Variants in TNNT2 observed in about 807,000 individuals in gnomAD.
TNNT2 encodes troponin T2, cardiac type.
Under a neutral mutation model 62.4 loss-of-function variants are expected in TNNT2, and 34 were observed. That is an observed-to-expected ratio of 0.54 (90% CI 0.41 to 0.72). TNNT2 has a LOEUF of 0.72. Ranked by LOEUF, TNNT2 falls within the 30% of genes least tolerant of loss-of-function variation. The pLI is 0.00. For synonymous variants in TNNT2, 123 were observed against 127.2 expected (o/e 0.97, Z 0.22); for missense variants, 275 against 381.9 (o/e 0.72, Z 2.33).
intron 1 of TNNT2, among the ~76,000 whole-genome samples, chr1:201,376,559 C>T (rs1661425772): frequency 6.6e-6 from 1 of 152,144 alleles, no homozygotes; most frequent in Non-Finnish European, 1.5e-5. Context: ...AGGCAGCCAG[C>T]AACCTGATCC....
intron 11 of TNNT2, 118 bp downstream of exon 11, chr1:201,364,180 G>T: frequency 1.7e-6 from 2 of 1,154,758 alleles, no homozygotes; most frequent in South Asian, 1.3e-5. Flanking sequence ...CACCGCACCC[G>T]GCCAATATTG....
chr1:201,365,857 A>G, intron 8 of TNNT2, 187 bp from the exon 9 acceptor site: 5 of 1,478,184 alleles, frequency 3.4e-6, no homozygotes, highest in Non-Finnish European at 4.5e-6. Flanking sequence ...CTGGGAATAC[A>G]CAAAGCTCTT....
Position 201,367,682 on chromosome 1 carries a change from C to T in TNNT2, c.199+89G>A, listed in dbSNP as rs1471623367. On this transcript the variant is annotated intron_variant, in intron 7 of 16. Coordinates refer to ENST00000656932, the MANE Select transcript of TNNT2 (RefSeq NM_001276345.2). ...AAACCCTCTCAGTGCACATCCACTTCCCTGGAAAGAGCACTGTGGGCATTC... is the reference window on the plus strand; with the variant it reads ...AAACCCTCTCAGTGCACATCCACTTTCCTGGAAAGAGCACTGTGGGCATTC... 17 of 1,425,074 alleles carry T rather than the reference C, an allele frequency of 1.2e-5. No homozygotes were observed. The Admixed American group carries it at 2.5e-4, about 21-fold the overall frequency. The allele number at this position is 1,425,074 out of a possible 1,614,324, so 88.3% of individuals were successfully genotyped here.
At chr1:201,369,722 AC>A in intron 5 of TNNT2, 93 bp downstream of exon 5, 17 of 1,537,906 alleles carry the variant, frequency 1.1e-5, no homozygotes, top group African/African-American at 1.4e-5. Context: ...GCCTACTCAC[AC>A]CCCCCAGCCC....
intron 11 of TNNT2, 167 bp downstream of exon 11, chr1:201,364,131 G>A (rs868168368): frequency 2.8e-4 from 193 of 683,648 alleles, no homozygotes; most frequent in African/African-American, 2.7e-3. Flanking sequence ...TGATCTACCC[G>A]CCTTGGCCTC....
intron 5 of TNNT2, chr1:201,368,484 C>T: frequency 1.7e-6 from 1 of 579,652 alleles, no homozygotes; most frequent in Non-Finnish European, 3.3e-6. Flanking sequence ...CCCCAACTTT[C>T]CAGCCCAGAA....
rs115412594 is a variant in TNNT2 at position 201,360,204 on chromosome 1, C to T, written c.811-541G>A. Among the ~76,000 whole-genome samples the T allele has an allele frequency of 9.7e-3, 1,474 of 152,314 alleles. 24 individuals carry two copies. The highest frequency in any genetic ancestry group is 0.034 in the African/African-American group (1,396 of 41,550). On this transcript the variant is annotated intron_variant, in intron 15 of 16. Transcript: ENST00000656932. ...AGGCACAGGACTAGAGAGGCCATAA[C>T]AATGGCTGACACCTGCTGAGCATTT...
At chr1:201,362,107 C>A in intron 13 of TNNT2, 85 bp from the exon 14 acceptor site, 1 of 1,462,072 alleles carries the variant, frequency 6.8e-7, no homozygotes, top group South Asian at 1.1e-5. Flanking sequence ...GGGGGTGGAG[C>A]AAGGCCTGCA....
intron 13 of TNNT2, 144 bp from the exon 14 acceptor site, chr1:201,362,166 C>A: frequency 8.6e-7 from 1 of 1,169,524 alleles, no homozygotes; most frequent in Non-Finnish European, 1.3e-6. Flanking sequence ...CCCCAACTAC[C>A]AACTACATGT....
At position 201,363,490 on chromosome 1, in the gene TNNT2, G is replaced by A. The variant is rs755619212; in HGVS notation, c.490-84C>T. 112 of 1,312,864 alleles carry A rather than the reference G, an allele frequency of 8.5e-5. 1 individual carries two copies. Among genetic ancestry groups the A allele is most frequent in the Middle Eastern group, 3.6e-4 (2 of 5,504 alleles). 81.3% of individuals were successfully genotyped at this position (1,312,864 alleles called of 1,614,324 possible). A position where few individuals can be genotyped will look rare whatever the true frequency, so the allele number is the denominator to read the frequency against. On this transcript the variant is annotated intron_variant, in intron 11 of 16. Transcript: ENST00000656932. ...CTGGGCTGAAGCTTGTGGTCTTTAT[G>A]GGTGAGTTCAGCTTTCTCTCCGCTC...
intron 14 of TNNT2, 66 bp downstream of exon 14, chr1:201,361,847 C>T (rs1658701360): frequency 2.1e-6 from 3 of 1,456,486 alleles, no homozygotes; most frequent in South Asian, 1.1e-5. Context: ...CAAGAAGTGC[C>T]CTTGGCCCGA....
chr1:201,363,461 G>A, intron 11 of TNNT2, 55 bp from the exon 12 acceptor site: 3 of 1,536,176 alleles, frequency 2.0e-6, no homozygotes, highest in Non-Finnish European at 1.8e-6. Flanking sequence ...TGGAAACCCT[G>A]ATTCTGGGCT....
chr1:201,366,935 C>G, intron 7 of TNNT2, 64 bp from the exon 8 acceptor site: 2 of 1,613,580 alleles, frequency 1.2e-6, no homozygotes, highest in Non-Finnish European at 1.7e-6. Flanking sequence ...CAACTCCGCC[C>G]TCGATGAGCT....
At chr1:201,364,092 C>T (rs560755595) in intron 11 of TNNT2, 39 of 580,218 alleles carry the variant, frequency 6.7e-5, no homozygotes, top group South Asian at 6.5e-4. Flanking sequence ...CTCCGTTGGT[C>T]AGGATGGTCT....
chr1:201,362,092 C>G (rs773304619), intron 13 of TNNT2, 70 bp from the exon 14 acceptor site: 8 of 1,539,674 alleles, frequency 5.2e-6, no homozygotes, highest in Middle Eastern at 1.7e-4. Context: ...CTCCCCAAAC[C>G]CCCTGGGGGT....
intron 6 of TNNT2, 31 bp downstream of exon 6, chr1:201,368,131 G>A: frequency 6.2e-7 from 1 of 1,612,618 alleles, no homozygotes. Flanking sequence ...GCCACCCCCT[G>A]AGGCCCCTGC....
chr1:201,359,768 AG>A (rs1558215130), intron 15 of TNNT2, 105 bp from the exon 16 acceptor site: 5 of 937,382 alleles, frequency 5.3e-6, no homozygotes, highest in Non-Finnish European at 8.5e-6. Flanking sequence ...GCAGTGCAGG[AG>A]GAGAAGGAGG....
At chr1:201,367,691 G>A in intron 7 of TNNT2, 80 bp downstream of exon 7, 1 of 1,483,740 alleles carries the variant, frequency 6.7e-7, no homozygotes, top group Non-Finnish European at 9.4e-7. Flanking sequence ...TCCCTGGAAA[G>A]AGCACTGTGG....
rs774702133 is a variant in TNNT2, at chr1:201,366,842, G to T, written c.229C>A (p.Pro77Thr). 1 of 1,614,108 alleles carries T rather than the reference G, an allele frequency of 6.2e-7. No individual in the cohort carries two copies. Among genetic ancestry groups the T allele is most frequent in the Non-Finnish European group, 8.5e-7 (1 of 1,180,034 alleles). ...CCCAGGTGCCTCCCCACTCACCTGGGCTTTGGTTTGGACTCCTCCATTGGG... is the reference window on the plus strand; with the variant it reads ...CCCAGGTGCCTCCCCACTCACCTGGTCTTTGGTTTGGACTCCTCCATTGGG... ...DGPMEESKPK[P>T]RSFMPNLVPP... Residue 77 changes from proline (P) to threonine (T), a missense_variant, in exon 8 of 17, where the codon CCC becomes ACC. By Grantham distance (38) the Pro-to-Thr change is conservative. Transcript: ENST00000656932.
Sources: allele counts gnomAD v4.1 joint callset (sites outside exome capture counted in the v4.1 genomes callset), GRCh38; gene constraint gnomAD v4.1.1; transcripts MANE v1.5; gene names NCBI Gene and HGNC (gene_info 2026-07-23, HGNC 2026-07-21).